Variants in FAM241A observed in about 807,000 individuals in gnomAD.
FAM241A encodes uncharacterized protein FAM241A.
A neutral mutation model predicts 12.2 loss-of-function variants in FAM241A; 7 were observed. The observed-to-expected ratio is 0.58, with a 90% CI of 0.33 to 1.08. The LOEUF (loss-of-function observed/expected upper bound fraction) is 1.08, where lower values mean the gene tolerates loss of function less well. FAM241A is among the 50% of genes least tolerant of loss of function. The pLI is 0.04. For synonymous variants in FAM241A, 74 were observed against 68.2 expected (o/e 1.08, Z -0.42); for missense variants, 161 against 169.7 (o/e 0.95, Z 0.29).
At chr4:112,175,271 G>A (rs962555626) in intron 1 of FAM241A, among the ~76,000 whole-genome samples, 17 of 152,172 alleles carry the variant, frequency 1.1e-4, no homozygotes, top group African/African-American at 3.9e-4. Flanking sequence ...ACTTTATGTT[G>A]GCTTTGTTCT....
At chr4:112,161,474 G>A (rs575353702) in intron 1 of FAM241A, among the ~76,000 whole-genome samples, 1 of 152,026 alleles carries the variant, frequency 6.6e-6, no homozygotes, top group Non-Finnish European at 1.5e-5. Flanking sequence ...AATGATAAAG[G>A]GGTATCACCA....
At chr4:112,175,031 C>T (rs1723792014) in intron 1 of FAM241A, among the ~76,000 whole-genome samples, 1 of 152,108 alleles carries the variant, frequency 6.6e-6, no homozygotes, top group Non-Finnish European at 1.5e-5. Context: ...AAAGTGCTTA[C>T]CACAATATCT....
chr4:112,185,172 A>C (rs1490809806), intron 1 of FAM241A, among the ~76,000 whole-genome samples: 1 of 152,046 alleles, frequency 6.6e-6, no homozygotes, highest in Non-Finnish European at 1.5e-5. Flanking sequence ...CCTAAATAAA[A>C]TATATTTAAA....
intron 1 of FAM241A, among the ~76,000 whole-genome samples, chr4:112,169,575 G>C (rs1723674851): frequency 6.6e-6 from 1 of 152,200 alleles, no homozygotes; most frequent in African/African-American, 2.4e-5. Context: ...GTGACTGAAA[G>C]AATTTGGGAG....
In FAM241A at chr4:112,155,916, C is replaced by G. The variant is rs539945638; in HGVS notation, c.153+10183C>G. ...CTTATGAACAGATACTATTATTGCC[C>G]CTACTTTAAGATGTACAAATTGGAG... On this transcript the variant is annotated intron_variant, in intron 1 of 1. Coordinates refer to ENST00000309733, the MANE Select transcript of FAM241A (RefSeq NM_152400.3). Among the ~76,000 whole-genome samples, 11 of 152,158 alleles carry G rather than the reference C, an allele frequency of 7.2e-5. No homozygotes were observed. In the East Asian group the frequency reaches 1.9e-3, roughly 27 times the overall value.
intron 1 of FAM241A, among the ~76,000 whole-genome samples, chr4:112,184,790 CTA>C (rs1276063581): frequency 2.0e-5 from 3 of 151,894 alleles, no homozygotes; most frequent in Non-Finnish European, 4.4e-5. Context: ...ATTTTAAACT[CTA>C]TGTGTACAAT....
intron 1 of FAM241A, among the ~76,000 whole-genome samples, chr4:112,161,057 T>C (rs563479253): frequency 6.6e-6 from 1 of 152,178 alleles, no homozygotes; most frequent in Admixed American, 6.5e-5. Flanking sequence ...AATGGACAAA[T>C]AGGCTCACAT....
intron 1 of FAM241A, among the ~76,000 whole-genome samples, chr4:112,154,130 T>A (rs187758113): frequency 1.4e-3 from 207 of 152,276 alleles, no homozygotes; most frequent in Non-Finnish European, 1.1e-3. Context: ...ATTCCATGAG[T>A]TTTAGAGGTA....
rs182065284 is a variant in FAM241A, at chr4:112,161,188, A to T, written c.153+15455A>T. On this transcript the variant is annotated intron_variant, in intron 1 of 1. Coordinates refer to ENST00000309733, the MANE Select transcript of FAM241A (RefSeq NM_152400.3). ...TGTGTAGAGGGAAATTTATAGCACT[A>T]AATGCCCATAAGAGAAAGCAGGAAA... Among the ~76,000 whole-genome samples, 560 of 152,354 alleles carry T rather than the reference A, an allele frequency of 3.7e-3. 6 individuals are homozygous for T. Among genetic ancestry groups the T allele is most frequent in the African/African-American group, 0.013 (528 of 41,580 alleles).
rs144086211 is a variant in FAM241A at position 112,170,441 on chromosome 4, T to C, written c.154-16252T>C. ...ATAAATTAGAACAACTATAATAATA[T>C]ACTGTAATAAAAGTTGTATGAATGT... On this transcript the variant is annotated intron_variant, in intron 1 of 1. Coordinates refer to ENST00000309733, the MANE Select transcript of FAM241A (RefSeq NM_152400.3). 3.4e-3 allele frequency among the ~76,000 whole-genome samples: 515 copies of C among 152,324 alleles called. 4 individuals are homozygous for C. Among genetic ancestry groups the C allele is most frequent in the African/African-American group, 0.012 (481 of 41,576 alleles).
chr4:112,160,888 C>T (rs1158148616), intron 1 of FAM241A, among the ~76,000 whole-genome samples: 2 of 151,850 alleles, frequency 1.3e-5, no homozygotes, highest in Admixed American at 6.6e-5. Context: ...CCTTATCTCT[C>T]GCCATATACA....
chr4:112,147,427 T>A lies in FAM241A; in HGVS notation c.153+1694T>A, dbSNP rs185296428. 4.6e-3 allele frequency among the ~76,000 whole-genome samples: 695 copies of A among 152,324 alleles called. 8 individuals are homozygous for A. The highest frequency in any genetic ancestry group is 0.016 in the African/African-American group (651 of 41,588). On this transcript the variant is annotated intron_variant, in intron 1 of 1. Transcript: ENST00000309733. ...TACATTAGCACCAAAGAAGAATTAG[T>A]CAAGAAGACAAAAATAAGCAAAAAA...
rs926454671 is a variant in FAM241A at position 112,192,095 on chromosome 4, T to C, written c.*5157T>C. Reference sequence around the variant, plus strand: ...CAAAGAGCATGGGTTGATGTATACATTATAATTTATAAAGCTATTCACTTC... The same window carrying C: ...CAAAGAGCATGGGTTGATGTATACACTATAATTTATAAAGCTATTCACTTC... On this transcript the variant is annotated 3_prime_UTR_variant, in exon 2 of 2. Coordinates refer to ENST00000309733, the MANE Select transcript of FAM241A (RefSeq NM_152400.3). The C allele has an allele frequency of 6.6e-6, 1 of 152,158 alleles. No individual in the cohort carries two copies. Among genetic ancestry groups the C allele is most frequent in the Non-Finnish European group, 1.5e-5 (1 of 68,026 alleles). 9.4% of individuals were successfully genotyped at this position (152,158 alleles called of 1,614,324 possible).
At chr4:112,173,394 G>GA (rs1300429885) in intron 1 of FAM241A, among the ~76,000 whole-genome samples, 1 of 152,118 alleles carries the variant, frequency 6.6e-6, no homozygotes, top group Non-Finnish European at 1.5e-5. Context: ...AGCAACTAAG[G>GA]AAAAAACAGG....
At chr4:112,162,627 G>A (rs1401694128) in intron 1 of FAM241A, among the ~76,000 whole-genome samples, 1 of 152,134 alleles carries the variant, frequency 6.6e-6, no homozygotes, top group Non-Finnish European at 1.5e-5. Context: ...TCTTCAAGGA[G>A]AACTACAAAC....
intron 1 of FAM241A, among the ~76,000 whole-genome samples, chr4:112,186,469 A>G (rs1205577093): frequency 6.6e-6 from 1 of 152,216 alleles, no homozygotes; most frequent in African/African-American, 2.4e-5. Context: ...TTCTGAAATC[A>G]TGGTCACTCA....
chr4:112,147,398 C>G (rs1015984602), intron 1 of FAM241A, among the ~76,000 whole-genome samples: 4 of 152,138 alleles, frequency 2.6e-5, no homozygotes, highest in Admixed American at 6.5e-5. Context: ...TAGGCATTTC[C>G]TACTACATTA....
At chr4:112,178,655 A>G (rs1045316193) in intron 1 of FAM241A, among the ~76,000 whole-genome samples, 3 of 152,222 alleles carry the variant, frequency 2.0e-5, no homozygotes, top group African/African-American at 4.8e-5. Flanking sequence ...TAATTAAACT[A>G]AAGAATTTCT....
At chr4:112,168,727 C>T (rs559393362) in intron 1 of FAM241A, among the ~76,000 whole-genome samples, 8 of 152,078 alleles carry the variant, frequency 5.3e-5, no homozygotes, top group South Asian at 2.1e-4. Context: ...TGCAATGGCG[C>T]GATCTCAGCT....
Sources: allele counts gnomAD v4.1 joint callset (sites outside exome capture counted in the v4.1 genomes callset), GRCh38; gene constraint gnomAD v4.1.1; transcripts MANE v1.5; gene names NCBI Gene and HGNC (gene_info 2026-07-23, HGNC 2026-07-21).